OTUD7A: variants seen among roughly 807,000 people sequenced by gnomAD.
OTUD7A encodes OTU deubiquitinase 7A.
A neutral mutation model predicts 65.7 loss-of-function variants in OTUD7A; 12 were observed. The ratio of observed to expected loss-of-function variants is 0.18; its 90% CI spans 0.12 to 0.30. The LOEUF is 0.30. Among genes scored for constraint, OTUD7A ranks in the 10% least tolerant of loss-of-function variants. The pLI is 1.00. For synonymous variants in OTUD7A, 641 were observed against 586.3 expected, an observed-to-expected ratio of 1.09 and a Z score of -1.35; for missense variants, 1,148 against 1,304.8, an observed-to-expected ratio of 0.88 and a Z score of 1.85.
chr15:31,725,173 C>A (rs141365862), intron 1 of OTUD7A, among the ~76,000 whole-genome samples: 3 of 152,342 alleles, frequency 2.0e-5, no homozygotes, highest in African/African-American at 7.2e-5. Flanking sequence ...GTGCCCTATT[C>A]TCCAAAGAGG....
At chr15:31,491,151 T>C (rs908011047) in intron 10 of OTUD7A, among the ~76,000 whole-genome samples, 12 of 150,512 alleles carry the variant, frequency 8.0e-5, no homozygotes, top group Admixed American at 7.3e-4. Flanking sequence ...ACCCAACACA[T>C]TGATAAAAGA....
chr15:31,502,798 G>C (rs944585773), intron 9 of OTUD7A, among the ~76,000 whole-genome samples: 1 of 152,220 alleles, frequency 6.6e-6, no homozygotes, highest in African/African-American at 2.4e-5. Context: ...ACCTCAGCAG[G>C]CCCGCGTCCC....
chr15:31,821,976 T>C (rs1027294657), intron 1 of OTUD7A, among the ~76,000 whole-genome samples: 4 of 152,230 alleles, frequency 2.6e-5, no homozygotes, highest in African/African-American at 9.6e-5. Flanking sequence ...TATTATTGGG[T>C]TCTAAGAGTT....
intron 1 of OTUD7A, among the ~76,000 whole-genome samples, chr15:31,808,677 T>G (rs1194180014): frequency 6.6e-6 from 1 of 152,220 alleles, no homozygotes; most frequent in Non-Finnish European, 1.5e-5. Flanking sequence ...CCAGACAGCA[T>G]GATCCAAGGC....
rs546704145 is a variant in OTUD7A, at chr15:31,754,873, G to A, written c.-99-97796C>T. On this transcript the variant is annotated intron_variant, in intron 1 of 12. Transcript: ENST00000307050. ...TCCTGAAAGCTTCTCAGGGACCCCA[G>A]GGGTCCACAGACCACAGTTTGAGAA... 2.6e-5 allele frequency among the ~76,000 whole-genome samples: 4 copies of A among 152,250 alleles called. No individual in the cohort carries two copies. In the East Asian group the frequency reaches 7.7e-4, roughly 29 times the overall value.
intron 6 of OTUD7A, among the ~76,000 whole-genome samples, chr15:31,527,767 A>C (rs923407889): frequency 6.6e-6 from 1 of 152,214 alleles, no homozygotes; most frequent in South Asian, 2.1e-4. Flanking sequence ...TCCAGCCCTG[A>C]GGCATCTCAG....
intron 1 of OTUD7A, among the ~76,000 whole-genome samples, chr15:31,830,899 C>T (rs1883031951): frequency 1.3e-5 from 2 of 152,170 alleles, no homozygotes; most frequent in Non-Finnish European, 2.9e-5. Flanking sequence ...CAGCTGAGAA[C>T]ATGGGATAGA....
intron 1 of OTUD7A, among the ~76,000 whole-genome samples, chr15:31,831,863 C>T (rs531024661): frequency 4.6e-4 from 70 of 152,342 alleles, no homozygotes; most frequent in African/African-American, 1.7e-3. Context: ...GGCGTTCCGC[C>T]GAGCAATGAC....
At chr15:31,578,346 T>A (rs1330412027) in intron 3 of OTUD7A, among the ~76,000 whole-genome samples, 1 of 152,218 alleles carries the variant, frequency 6.6e-6, no homozygotes, top group African/African-American at 2.4e-5. Flanking sequence ...ATAAGAAACA[T>A]TTAAAATCTA....
chr15:31,730,468 T>A (rs1284526696), intron 1 of OTUD7A, among the ~76,000 whole-genome samples: 1 of 152,202 alleles, frequency 6.6e-6, no homozygotes, highest in Non-Finnish European at 1.5e-5. Flanking sequence ...GTCAAAGGCA[T>A]CAAATTCCCT....
intron 3 of OTUD7A, among the ~76,000 whole-genome samples, chr15:31,574,702 G>C (rs1410422568): frequency 6.6e-6 from 1 of 152,008 alleles, no homozygotes; most frequent in African/African-American, 2.4e-5. Context: ...TGACATCTTG[G>C]GGCCTTTGTG....
chr15:31,683,299 A>G (rs1422434964), intron 1 of OTUD7A, among the ~76,000 whole-genome samples: 1 of 152,240 alleles, frequency 6.6e-6, no homozygotes, highest in East Asian at 1.9e-4. Flanking sequence ...GAACTTTTAA[A>G]ATAGATAACA....
chr15:31,815,460 G>C (rs1042649530), intron 1 of OTUD7A, among the ~76,000 whole-genome samples: 3 of 152,208 alleles, frequency 2.0e-5, no homozygotes, highest in African/African-American at 4.8e-5. Context: ...CTGACTTACA[G>C]ATGAACAAAC....
intron 1 of OTUD7A, among the ~76,000 whole-genome samples, chr15:31,790,425 G>A (rs1366768334): frequency 2.6e-5 from 4 of 152,244 alleles, no homozygotes; most frequent in Non-Finnish European, 4.4e-5. Flanking sequence ...AAAAGGAGAG[G>A]CCATGTCTGG....
chr15:31,501,648 A>T, intron 10 of OTUD7A, 42 bp downstream of exon 10: 1 of 1,612,932 alleles, frequency 6.2e-7, no homozygotes, highest in South Asian at 1.1e-5. Flanking sequence ...CTCTGCCCCC[A>T]CCCTAGGCTC....
chr15:31,800,859 C>T (rs1451412815), intron 1 of OTUD7A, among the ~76,000 whole-genome samples: 1 of 152,076 alleles, frequency 6.6e-6, no homozygotes, highest in East Asian at 1.9e-4. Flanking sequence ...GCCATGGCAG[C>T]GTCTACAAAC....
intron 3 of OTUD7A, among the ~76,000 whole-genome samples, chr15:31,588,055 A>G (rs948313409): frequency 8.5e-5 from 13 of 152,232 alleles, no homozygotes; most frequent in African/African-American, 3.1e-4. Context: ...TACATCTGCC[A>G]TATGCACATA....
Position 31,775,543 on chromosome 15 carries a change from A to G in OTUD7A, c.-100+94964T>C, listed in dbSNP as rs78815635. On this transcript the variant is annotated intron_variant, in intron 1 of 12. Transcript: ENST00000307050. ...GTTGTAAAATTGAAGAGACTCATTG[A>G]GATGACATTTGTGCAAAAGCTTGAA... Among the ~76,000 whole-genome samples, 4 of 152,358 alleles carry G rather than the reference A, an allele frequency of 2.6e-5. No individual in the cohort carries two copies. The East Asian group carries it at 7.7e-4, about 29-fold the overall frequency.
chr15:31,820,614 A>C (rs544588197), intron 1 of OTUD7A, among the ~76,000 whole-genome samples: 1 of 152,318 alleles, frequency 6.6e-6, no homozygotes, highest in Non-Finnish European at 1.5e-5. Context: ...TGCCTGCTTC[A>C]TAGAAAACTG....
Sources: allele counts gnomAD v4.1 joint callset (sites outside exome capture counted in the v4.1 genomes callset), GRCh38; gene constraint gnomAD v4.1.1; transcripts MANE v1.5; gene names NCBI Gene and HGNC (gene_info 2026-07-23, HGNC 2026-07-21).